The following SYBU variants were observed in gnomAD, a reference collection of about 807,000 sequenced individuals.
The protein encoded by SYBU is syntabulin, also known as GOLSYN A protein.
Under a neutral mutation model 35.9 loss-of-function variants are expected in SYBU, and 21 were observed. That is an observed-to-expected ratio of 0.58 (90% CI 0.41 to 0.84). The LOEUF is 0.84. Among genes scored for constraint, SYBU ranks in the 40% least tolerant of loss-of-function variants. The pLI, the probability that SYBU is intolerant of heterozygous loss-of-function variation, is 0.00. For synonymous variants in SYBU, 319 were observed against 324.3 expected (o/e 0.98, Z 0.18); for missense variants, 768 against 848.2 (o/e 0.91, Z 1.17).
chr8:109,684,330 T>C (rs1376094534), upstream of SYBU, among the ~76,000 whole-genome samples: 1 of 152,228 alleles, frequency 6.6e-6, no homozygotes, highest in Admixed American at 6.5e-5. Context: ...TGAAAAGTGA[T>C]CATAAGTGAG....
chr8:109,587,548 C>G (rs1269022310), intron 3 of SYBU, among the ~76,000 whole-genome samples: 2 of 152,192 alleles, frequency 1.3e-5, no homozygotes, highest in African/African-American at 2.4e-5. Context: ...ATTACCATCT[C>G]CCTAAAAGGT....
chr8:109,686,005 G>T (rs901381415), upstream of SYBU, among the ~76,000 whole-genome samples: 1 of 152,058 alleles, frequency 6.6e-6, no homozygotes, highest in Non-Finnish European at 1.5e-5. Context: ...TTGTCAATTC[G>T]TCCTACAAGC....
At chr8:109,592,192 G>T (rs1265001578) in intron 3 of SYBU, among the ~76,000 whole-genome samples, 1 of 152,024 alleles carries the variant, frequency 6.6e-6, no homozygotes, top group Non-Finnish European at 1.5e-5. Flanking sequence ...CCCTTAAAAA[G>T]ACCTATAATA....
At chr8:109,668,402 T>C (rs940700648) in intron 1 of SYBU, among the ~76,000 whole-genome samples, 3 of 152,230 alleles carry the variant, frequency 2.0e-5, no homozygotes, top group African/African-American at 7.2e-5. Flanking sequence ...TGACCTGTTC[T>C]GATGCTAGAA....
intron 1 of SYBU, among the ~76,000 whole-genome samples, chr8:109,652,747 G>A (rs1453708745): frequency 6.6e-6 from 1 of 151,986 alleles, no homozygotes; most frequent in African/African-American, 2.4e-5. Flanking sequence ...CAAAATATAC[G>A]GCTATACGAA....
intron 1 of SYBU, chr8:109,643,609 GAA>G (rs1300209495): frequency 6.5e-6 from 1 of 154,662 alleles, no homozygotes; most frequent in East Asian, 1.9e-4. Flanking sequence ...ACATCCATAA[GAA>G]GAGATTTTTC....
At chr8:109,641,108 T>G (rs1178375207) in intron 2 of SYBU, among the ~76,000 whole-genome samples, 1 of 152,232 alleles carries the variant, frequency 6.6e-6, no homozygotes, top group African/African-American at 2.4e-5. Context: ...CATTCTTCAC[T>G]AGTCATAAGA....
Position 109,575,076 on chromosome 8 carries a change from G to A in SYBU, c.1822C>T (p.Leu608=), listed in dbSNP as rs1233340032. Residue 608 remains leucine (L), a synonymous_variant, in exon 7 of 7, where the codon CTG becomes TTG. Transcript: ENST00000276646. ...GCAGCCACAGCCAGGAGATCCACCA[G>A]GAAGCTGCTGCTCCAGTACTGCCTC... ...VVRQYWSSSF[L]VDLLAVAAPV... 1.2e-6 allele frequency: 2 copies of A among 1,609,156 alleles called. No homozygotes were observed. The highest frequency in any genetic ancestry group is 1.7e-5 in the Admixed American group (1 of 59,722).
rs372988651 is a variant in SYBU at position 109,618,828 on chromosome 8, G to C, written c.427+14C>G. On this transcript the variant is annotated intron_variant, in intron 3 of 6. Coordinates refer to ENST00000276646, the MANE Select transcript of SYBU (RefSeq NM_001099754.2). ...CATTGTTCTGATGAAAACATGACGA[G>C]TAAGTTCACTGACCTGGTTTCACAA... The C allele has an allele frequency of 3.3e-4, 532 of 1,612,206 alleles. No homozygotes were observed. The highest frequency in any genetic ancestry group is 4.4e-4 in the Non-Finnish European group (517 of 1,178,324).
At chr8:109,589,201 A>G (rs531537297) in intron 3 of SYBU, among the ~76,000 whole-genome samples, 1 of 152,232 alleles carries the variant, frequency 6.6e-6, no homozygotes, top group South Asian at 2.1e-4. Context: ...AACAAAAAGA[A>G]AAAACGTAGG....
intron 3 of SYBU, among the ~76,000 whole-genome samples, chr8:109,590,043 T>C (rs1824038795): frequency 6.6e-6 from 1 of 151,414 alleles, no homozygotes; most frequent in South Asian, 2.1e-4. Context: ...TTCTCTCCCA[T>C]CCTCCTTCTC....
chr8:109,591,733 C>T (rs1467263050), intron 3 of SYBU, among the ~76,000 whole-genome samples: 5 of 151,306 alleles, frequency 3.3e-5, no homozygotes, highest in African/African-American at 4.9e-5. Context: ...AGGATGGTCT[C>T]GATCTCCTGA....
At chr8:109,595,452 C>A (rs1398079880) in intron 3 of SYBU, among the ~76,000 whole-genome samples, 1 of 152,202 alleles carries the variant, frequency 6.6e-6, no homozygotes, top group African/African-American at 2.4e-5. Context: ...ATGGTGAGAG[C>A]TGTTATCTCC....
At chr8:109,661,798 G>A (rs550019463) in intron 1 of SYBU, among the ~76,000 whole-genome samples, 8 of 152,140 alleles carry the variant, frequency 5.3e-5, no homozygotes, top group Admixed American at 2.0e-4. Flanking sequence ...TAGAGCACCG[G>A]TCTAGGGTCA....
chr8:109,600,487 G>A (rs981125536), intron 3 of SYBU, among the ~76,000 whole-genome samples: 3 of 152,140 alleles, frequency 2.0e-5, no homozygotes, highest in African/African-American at 7.2e-5. Context: ...CACAGAGCCT[G>A]GCTTATAGGA....
rs1821954852 is a variant in SYBU, at chr8:109,574,195, T to C, written c.*711A>G. On this transcript the variant is annotated 3_prime_UTR_variant, in exon 7 of 7. Coordinates refer to ENST00000276646, the MANE Select transcript of SYBU (RefSeq NM_001099754.2). ...AAATAATTATTATTTTATGGGAGGA[T>C]AAAACATTTATTTAAATGGAAACAC... 2 of 152,498 alleles carry C rather than the reference T, an allele frequency of 1.3e-5. No individual in the cohort carries two copies. Among genetic ancestry groups the C allele is most frequent in the South Asian group, 4.1e-4 (2 of 4,834 alleles). The allele number at this position is 152,498 out of a possible 1,614,324, so 9.4% of individuals were successfully genotyped here. A position where few individuals can be genotyped will look rare whatever the true frequency, so the allele number is the denominator to read the frequency against.
At chr8:109,648,138 C>G (rs1815890035), upstream of SYBU, 1 of 151,298 alleles carries the variant, frequency 6.6e-6, no homozygotes, top group South Asian at 2.1e-4. Context: ...ACTTTATGGT[C>G]TTGTTTTATC....
At chr8:109,613,837 C>G (rs966971939) in intron 3 of SYBU, among the ~76,000 whole-genome samples, 3 of 152,212 alleles carry the variant, frequency 2.0e-5, no homozygotes, top group Non-Finnish European at 2.9e-5. Context: ...TTTGAGTTTT[C>G]TAGCAAATGC....
chr8:109,578,381 A>G (rs566799010), intron 5 of SYBU, among the ~76,000 whole-genome samples: 1 of 152,274 alleles, frequency 6.6e-6, no homozygotes, highest in Non-Finnish European at 1.5e-5. Flanking sequence ...TATGTAGCCC[A>G]TGGTTCTCGA....
Sources: gnomAD v4.1 joint callset for allele counts (sites outside exome capture counted in the v4.1 genomes callset) on GRCh38, gnomAD v4.1.1 for gene constraint, MANE v1.5 for transcripts, NCBI Gene and HGNC (gene_info 2026-07-23, HGNC 2026-07-21) for gene names.